Variants in ZNF778 observed in about 807,000 individuals in gnomAD.
ZNF778 encodes the protein zinc finger protein 778.
ZNF778 carries 37 observed loss-of-function variants against 23.9 expected under a neutral mutation model. The ratio of observed to expected loss-of-function variants is 1.54; its 90% CI spans 1.19 to 2.03. ZNF778 has a LOEUF of 2.03. ZNF778 is among the 30% of genes most tolerant of loss of function. The pLI, the probability that ZNF778 is intolerant of heterozygous loss-of-function variation, is 0.00. For synonymous variants in ZNF778, 483 were observed against 343.9 expected (o/e 1.40, Z -4.48); for missense variants, 1,297 against 934.4 (o/e 1.39, Z -5.06).
Position 89,226,846 on chromosome 16 carries a change from C to G in ZNF778, c.558C>G (p.Cys186Trp). The G allele has an allele frequency of 6.2e-7, 1 of 1,613,966 alleles. No homozygotes were observed. Among genetic ancestry groups the G allele is most frequent in the Middle Eastern group, 1.6e-4 (1 of 6,062 alleles). The change falls in exon 7 of 7, where the codon TGC (cysteine) becomes TGG (tryptophan). Residue 186 changes from cysteine to tryptophan, a missense_variant. Coordinates refer to ENST00000433976, the MANE Select transcript of ZNF778 (RefSeq NM_001201407.2). ...ATGAAAGGGACTTTTTTATTCCATG[C>G]CAGAAAACCTTGTTCAAAATTGGAG... ...NHYERDFFIPCQKTLFKIGEQ... is the reference protein window; with the variant it reads ...NHYERDFFIPWQKTLFKIGEQ...
At position 89,229,403 on chromosome 16, in the gene ZNF778, G is replaced by A; in HGVS notation, c.*841G>A. 1.0e-6 allele frequency: 1 copy of A among 984,624 alleles called. No individual in the cohort carries two copies. The allele number at this position is 984,624 out of a possible 1,614,324, so 61.0% of individuals were successfully genotyped here. A position where few individuals can be genotyped will look rare whatever the true frequency, so the allele number is the denominator to read the frequency against. Reference sequence around the variant, plus strand: ...GTTGGTTAGTCTTGAGGATCCAGATGTGATTCTGTGAGCAGTGTAGGCTCT... The same window carrying A: ...GTTGGTTAGTCTTGAGGATCCAGATATGATTCTGTGAGCAGTGTAGGCTCT... On this transcript the variant is annotated 3_prime_UTR_variant, in exon 7 of 7. Transcript: ENST00000433976.
rs140154057 is a variant in ZNF778, at chr16:89,234,222, C to G, written c.*5660C>G. ...AGTGGTGTGGTTTTCCTCATAGTCT[C>G]TCTACCTAAGCACATGTCTGTGACA... On this transcript the variant is annotated 3_prime_UTR_variant, in exon 7 of 7. Transcript: ENST00000433976. 8.1e-4 allele frequency: 297 copies of G among 365,018 alleles called. 2 individuals carry two copies. The Middle Eastern group carries it at 8.9e-3, about 11-fold the overall frequency. 22.6% of individuals were successfully genotyped at this position (365,018 alleles called of 1,614,324 possible).
In ZNF778 at chr16:89,228,245, G is replaced by A; in HGVS notation, c.1957G>A (p.Ala653Thr). Residue 653 changes from alanine to threonine, a missense_variant, in exon 7 of 7, where the codon GCC (alanine) becomes ACC (threonine). Transcript: ENST00000433976. ...KPYICKECGKAFASSSHLIEH... is the reference protein window; with the variant it reads ...KPYICKECGKTFASSSHLIEH... ...CTACATATGTAAGGAGTGTGGGAAA[G>A]CCTTTGCTTCCTCCTCACACCTTAT... The A allele has an allele frequency of 6.2e-7, 1 of 1,614,024 alleles. No individual in the cohort carries two copies. The highest frequency in any genetic ancestry group is 1.1e-5 in the South Asian group (1 of 91,082).
chr16:89,227,761 C>T lies in ZNF778; in HGVS notation c.1473C>T (p.Ser491=), dbSNP rs1216198702. Residue 491 remains serine (S), a synonymous_variant, in exon 7 of 7, where the codon AGC becomes AGT. Transcript: ENST00000433976. ...DCGKSFTVSS[S]LTEHARIHTG... ...GGAAATCCTTCACTGTTTCTTCAAG[C>T]CTGACTGAGCACGCGAGAATCCATA... is the stretch of plus-strand genomic sequence containing the variant. The T allele has an allele frequency of 6.2e-7, 1 of 1,613,112 alleles. No individual in the cohort carries two copies.
chr16:89,228,270 T>G lies in ZNF778; in HGVS notation c.1982T>G (p.Ile661Ser), dbSNP rs201710333. The G allele has an allele frequency of 3.7e-6, 6 of 1,605,300 alleles. No homozygotes were observed. In the South Asian group the frequency reaches 5.5e-5, roughly 15 times the overall value. Residue 661 changes from isoleucine (I) to serine (S), a missense_variant, in exon 7 of 7, where the codon ATC (isoleucine) becomes AGC (serine). By Grantham distance (142) the Ile-to-Ser change is moderately radical. Transcript: ENST00000433976. The stretch of plus-strand genomic sequence containing the variant: ...GCCTTTGCTTCCTCCTCACACCTTA[T>G]CGAACACAGAAGGACTCACACAGGA... Reference protein sequence around the residue: ...GKAFASSSHLIEHRRTHTGEK... With the variant: ...GKAFASSSHLSEHRRTHTGEK...
intron 1 of ZNF778, among the ~76,000 whole-genome samples, chr16:89,218,713 C>T (rs966163270): frequency 7.2e-5 from 11 of 152,138 alleles, no homozygotes; most frequent in African/African-American, 2.4e-4. Flanking sequence ...ATGGCGTGAA[C>T]CCGGGAGGCG....
chr16:89,221,441 A>T (rs922741447), intron 2 of ZNF778, among the ~76,000 whole-genome samples: 5 of 152,116 alleles, frequency 3.3e-5, no homozygotes, highest in African/African-American at 1.2e-4. Context: ...CCATTTCCTG[A>T]TGGGCGGCAT....
In ZNF778 at chr16:89,235,405, G is replaced by A. The variant is rs1243779086; in HGVS notation, c.*6843G>A. The A allele has an allele frequency of 1.3e-5, 2 of 152,162 alleles. No homozygotes were observed. Among genetic ancestry groups the A allele is most frequent in the African/African-American group, 4.8e-5 (2 of 41,426 alleles). 9.4% of individuals were successfully genotyped at this position (152,162 alleles called of 1,614,324 possible). A position where few individuals can be genotyped will look rare whatever the true frequency, so the allele number is the denominator to read the frequency against. On this transcript the variant is annotated 3_prime_UTR_variant, in exon 7 of 7. Transcript: ENST00000433976. ...GCAGCAAACACATCATCAGCCTTAG[G>A]AGCTGGCCTGTGAGGTTGACCACTC...
At chr16:89,222,308 C>T (rs975144590) in intron 3 of ZNF778, 125 bp downstream of exon 3, 4 of 552,852 alleles carry the variant, frequency 7.2e-6, no homozygotes, top group South Asian at 3.5e-5. Context: ...TGAACGCCTC[C>T]AGGGAGAAGA....
chr16:89,227,964 A>C lies in ZNF778; in HGVS notation c.1676A>C (p.Lys559Thr). ...NEHVKTHTEEKPFICTVCRKS... is the reference protein window; with the variant it reads ...NEHVKTHTEETPFICTVCRKS... Reference sequence around the variant, plus strand: ...CATGTGAAAACTCACACAGAGGAGAAGCCCTTTATATGTACGGTATGCAGG... The same window carrying C: ...CATGTGAAAACTCACACAGAGGAGACGCCCTTTATATGTACGGTATGCAGG... Residue 559 changes from lysine (K) to threonine (T), a missense_variant, in exon 7 of 7, where the codon AAG becomes ACG. Physicochemically the swap from Lys to Thr is moderately conservative, Grantham distance 78. Transcript: ENST00000433976. 4 of 1,590,122 alleles carry C rather than the reference A, an allele frequency of 2.5e-6. No individual in the cohort carries two copies. The highest frequency in any genetic ancestry group is 3.4e-6 in the Non-Finnish European group (4 of 1,165,230).
intron 2 of ZNF778, 119 bp from the exon 3 acceptor site, chr16:89,221,973 C>T (rs2030998451): frequency 2.4e-5 from 15 of 615,476 alleles, no homozygotes; most frequent in Admixed American, 6.5e-5. Context: ...GTGCGTTTTC[C>T]TGAGTGTGCA....
chr16:89,224,587 C>T, intron 4 of ZNF778, 132 bp from the exon 5 acceptor site: 1 of 641,444 alleles, frequency 1.6e-6, no homozygotes, highest in Admixed American at 2.3e-5. Context: ...CCACTGCACT[C>T]CAGCCTGGGC....
rs1219833675 is a variant in ZNF778, at chr16:89,229,494, C to A, written c.*932C>A. The stretch of plus-strand genomic sequence containing the variant: ...GCAGCGTAGGCTCTGGTTGGTTAGT[C>A]TTGAGGATCCAGATGTGATTCTGTG... On this transcript the variant is annotated 3_prime_UTR_variant, in exon 7 of 7. Coordinates refer to ENST00000433976, the MANE Select transcript of ZNF778 (RefSeq NM_001201407.2). The A allele has an allele frequency of 1.0e-6, 1 of 968,752 alleles. No individual in the cohort carries two copies. The highest frequency in any genetic ancestry group is 1.2e-6 in the Non-Finnish European group (1 of 826,126). The allele number at this position is 968,752 out of a possible 1,614,324, so 60.0% of individuals were successfully genotyped here.
chr16:89,232,753 A>G lies in ZNF778; in HGVS notation c.*4191A>G. On this transcript the variant is annotated 3_prime_UTR_variant, in exon 7 of 7. Coordinates refer to ENST00000433976, the MANE Select transcript of ZNF778 (RefSeq NM_001201407.2). The stretch of plus-strand genomic sequence containing the variant: ...AAAGATGGTAAACAACTTGCTGGAA[A>G]CATGCACTGCATATACAAATCAACT... 7 of 1,286,168 alleles carry G rather than the reference A, an allele frequency of 5.4e-6. No homozygotes were observed. The highest frequency in any genetic ancestry group is 7.1e-6 in the Non-Finnish European group (7 of 986,082). 79.7% of individuals were successfully genotyped at this position (1,286,168 alleles called of 1,614,324 possible).
Position 89,229,336 on chromosome 16 carries a change from T to G in ZNF778, c.*774T>G. Reference sequence around the variant, plus strand: ...AGTGTAAGCTCTGGTTGGTTAGTCTTCAGGATCCAGATGTGATCTTGTGTG... The same window carrying G: ...AGTGTAAGCTCTGGTTGGTTAGTCTGCAGGATCCAGATGTGATCTTGTGTG... On this transcript the variant is annotated 3_prime_UTR_variant, in exon 7 of 7. Coordinates refer to ENST00000433976, the MANE Select transcript of ZNF778 (RefSeq NM_001201407.2). 2 of 984,712 alleles carry G rather than the reference T, an allele frequency of 2.0e-6. No homozygotes were observed. The highest frequency in any genetic ancestry group is 2.4e-6 in the Non-Finnish European group (2 of 829,902). 61.0% of individuals were successfully genotyped at this position (984,712 alleles called of 1,614,324 possible). A position where few individuals can be genotyped will look rare whatever the true frequency, so the allele number is the denominator to read the frequency against.
In ZNF778 at chr16:89,229,034, G is replaced by T; in HGVS notation, c.*472G>T. The T allele has an allele frequency of 4.0e-6, 4 of 991,248 alleles. No individual in the cohort carries two copies. Among genetic ancestry groups the T allele is most frequent in the Non-Finnish European group, 4.8e-6 (4 of 833,856 alleles). 61.4% of individuals were successfully genotyped at this position (991,248 alleles called of 1,614,324 possible). On this transcript the variant is annotated 3_prime_UTR_variant, in exon 7 of 7. Transcript: ENST00000433976. ...AACCTTGTGGGCTAACTTGAGACATGTCTTTCTGGGGGTTCTGTAGACGTA... is the reference window on the plus strand; with the variant it reads ...AACCTTGTGGGCTAACTTGAGACATTTCTTTCTGGGGGTTCTGTAGACGTA...
chr16:89,233,588 G>A lies in ZNF778; in HGVS notation c.*5026G>A, dbSNP rs188549574. On this transcript the variant is annotated 3_prime_UTR_variant, in exon 7 of 7. Transcript: ENST00000433976. ...ACTCAGCTCGCACTGCATATGCAAC[G>A]CAACTCAACTCATACTGCATATGCA... 187 of 1,120,278 alleles carry A rather than the reference G, an allele frequency of 1.7e-4. No individual in the cohort carries two copies. In the African/African-American group the frequency reaches 1.8e-3, roughly 11 times the overall value. The allele number at this position is 1,120,278 out of a possible 1,614,324, so 69.4% of individuals were successfully genotyped here.
Position 89,226,688 on chromosome 16 carries a change from C to T in ZNF778, c.406-6C>T, listed in dbSNP as rs751562184. 7.5e-6 allele frequency: 12 copies of T among 1,603,118 alleles called. No individual in the cohort carries two copies. Among genetic ancestry groups the T allele is most frequent in the Middle Eastern group, 1.7e-4 (1 of 6,012 alleles). On this transcript the variant is annotated splice_region_variant and splice_polypyrimidine_tract_variant and intron_variant, in intron 6 of 6. Transcript: ENST00000433976. Reference sequence around the variant, plus strand: ...CCCCTGACCACCACTCATTCTTCACCAACAGGCAAGAAGCCACAATGGAGG... The same window carrying T: ...CCCCTGACCACCACTCATTCTTCACTAACAGGCAAGAAGCCACAATGGAGG...
chr16:89,232,934 C>T lies in ZNF778; in HGVS notation c.*4372C>T, dbSNP rs1321182575. 1 of 1,270,006 alleles carries T rather than the reference C, an allele frequency of 7.9e-7. No homozygotes were observed. 78.7% of individuals were successfully genotyped at this position (1,270,006 alleles called of 1,614,324 possible). ...AACTCGCACTGCGTATGCGAATCCA[C>T]TCACTGCCTATGCAACTCAGCTCGC... On this transcript the variant is annotated 3_prime_UTR_variant, in exon 7 of 7. Coordinates refer to ENST00000433976, the MANE Select transcript of ZNF778 (RefSeq NM_001201407.2).
Sources: allele counts gnomAD v4.1 joint callset (sites outside exome capture counted in the v4.1 genomes callset), GRCh38; gene constraint gnomAD v4.1.1; transcripts MANE v1.5; gene names NCBI Gene and HGNC (gene_info 2026-07-23, HGNC 2026-07-21).